Variants in NR3C1 observed in about 807,000 individuals in gnomAD.
NR3C1 encodes the protein nuclear receptor subfamily 3 group C member 1, also known as glucocorticoid receptor.
In NR3C1, 14 loss-of-function variants were observed where a neutral mutation model predicts 74.0. That is an observed-to-expected ratio of 0.19 (90% CI 0.12 to 0.30). NR3C1 has a LOEUF of 0.30. Among genes scored for constraint, NR3C1 ranks in the 10% least tolerant of loss-of-function variants. The pLI, the probability that NR3C1 is intolerant of heterozygous loss-of-function variation, is 1.00. For missense variants in NR3C1, 695 were observed against 909.8 expected, an observed-to-expected ratio of 0.76 and a Z score of 3.04; for synonymous variants, 308 against 332.5, an observed-to-expected ratio of 0.93 and a Z score of 0.80.
intron 2 of NR3C1, among the ~76,000 whole-genome samples, chr5:143,372,598 C>T (rs1834415579): frequency 6.6e-6 from 1 of 152,238 alleles, no homozygotes; most frequent in African/African-American, 2.4e-5. Flanking sequence ...AGGCGGACTA[C>T]TGCATAAATT....
At position 143,431,988 on chromosome 5, in the gene NR3C1, G is replaced by A. The variant is rs145807058; in HGVS notation, c.-14+2544C>T. 2.1e-3 allele frequency among the ~76,000 whole-genome samples: 325 copies of A among 152,342 alleles called. 4 individuals carry two copies. Among genetic ancestry groups the A allele is most frequent in the African/African-American group, 7.5e-3 (313 of 41,590 alleles). On this transcript the variant is annotated intron_variant, in intron 1 of 8. Transcript: ENST00000343796. ...TCTCCCTGAGGGGGTGGTGGTAGCT[G>A]CAAAGCTGACAGGAGCGGAGTTTCA...
intron 2 of NR3C1, chr5:143,333,197 T>G: frequency 6.4e-7 from 1 of 1,564,788 alleles, no homozygotes; most frequent in Non-Finnish European, 8.7e-7. Flanking sequence ...CACCTGGCTA[T>G]CGGGGTGAAC....
At chr5:143,402,896 G>A in intron 1 of NR3C1, 2 of 945,288 alleles carry the variant, frequency 2.1e-6, no homozygotes, top group Non-Finnish European at 1.3e-6. Flanking sequence ...GGAGAAAAGA[G>A]GCCAGGATTC....
chr5:143,357,862 T>C (rs1831446622), intron 2 of NR3C1, among the ~76,000 whole-genome samples: 1 of 152,230 alleles, frequency 6.6e-6, no homozygotes, highest in Admixed American at 6.5e-5. Flanking sequence ...CTTCATCTTC[T>C]CTTATTACTC....
At chr5:143,311,982 T>TA (rs1210495456) in intron 3 of NR3C1, among the ~76,000 whole-genome samples, 1 of 152,072 alleles carries the variant, frequency 6.6e-6, no homozygotes, top group East Asian at 1.9e-4. Flanking sequence ...ACCCTTCTGA[T>TA]AAGACAATGA....
intron 7 of NR3C1, among the ~76,000 whole-genome samples, chr5:143,289,921 A>G (rs1055624961): frequency 1.3e-5 from 2 of 152,200 alleles, no homozygotes; most frequent in Admixed American, 1.3e-4. Flanking sequence ...ATTTAAACAC[A>G]CACTCAACCT....
intron 2 of NR3C1, among the ~76,000 whole-genome samples, chr5:143,350,774 T>A (rs1013941746): frequency 3.9e-5 from 6 of 152,154 alleles, no homozygotes; most frequent in Non-Finnish European, 8.8e-5. Flanking sequence ...AAAGAAGAAC[T>A]TGCCAAGAGG....
chr5:143,292,024 G>A (rs1816055487), intron 7 of NR3C1, among the ~76,000 whole-genome samples: 1 of 151,926 alleles, frequency 6.6e-6, no homozygotes, highest in Non-Finnish European at 1.5e-5. Flanking sequence ...TAGTTTTTTT[G>A]CTGAAAGCTG....
At position 143,288,026 on chromosome 5, in the gene NR3C1, CAGTAGTATTTT is replaced by C. The variant is rs556503753; in HGVS notation, c.2024-5312_2024-5302del. On this transcript the variant is annotated intron_variant, in intron 7 of 8. Transcript: ENST00000394464. ...ACTATTTGTGGAACTATACTCTGCT[CAGTAGTATTTT>C]AGTAGTATTTTTGGAAAGAGGATTT... Among the ~76,000 whole-genome samples, 17 of 152,126 alleles carry C rather than the reference CAGTAGTATTTT, an allele frequency of 1.1e-4. No individual in the cohort carries two copies. In the East Asian group the frequency reaches 3.1e-3, roughly 28 times the overall value.
At chr5:143,309,080 T>TTC (rs1198643318) in intron 4 of NR3C1, among the ~76,000 whole-genome samples, 1 of 150,982 alleles carries the variant, frequency 6.6e-6, no homozygotes, top group East Asian at 1.9e-4. Flanking sequence ...TTTCTTTTTT[T>TTC]TTTTTTTTTT....
intron 1 of NR3C1, chr5:143,402,571 G>A: frequency 3.0e-6 from 3 of 983,940 alleles, no homozygotes; most frequent in Non-Finnish European, 3.6e-6. Context: ...AGAGAAAAAA[G>A]TGCGAGGTTA....
At chr5:143,386,096 T>C (rs908905682) in intron 2 of NR3C1, among the ~76,000 whole-genome samples, 7 of 152,186 alleles carry the variant, frequency 4.6e-5, no homozygotes, top group African/African-American at 1.4e-4. Context: ...TGTTTTCACA[T>C]GGCAGAGCAG....
intron 1 of NR3C1, among the ~76,000 whole-genome samples, chr5:143,418,469 A>T (rs936890865): frequency 6.6e-6 from 1 of 152,128 alleles, no homozygotes; most frequent in Non-Finnish European, 1.5e-5. Flanking sequence ...CAACCCACAC[A>T]GAAGTAATTA....
At chr5:143,375,036 C>A (rs1834924661) in intron 2 of NR3C1, among the ~76,000 whole-genome samples, 1 of 152,172 alleles carries the variant, frequency 6.6e-6, no homozygotes, top group South Asian at 2.1e-4. Context: ...CCTTGCCAGA[C>A]TCTAGGCAGA....
chr5:143,356,102 T>A (rs1485814830), intron 2 of NR3C1, among the ~76,000 whole-genome samples: 1 of 152,244 alleles, frequency 6.6e-6, no homozygotes, highest in Admixed American at 6.5e-5. Context: ...AATATTCCAA[T>A]CCACTTTCCA....
intron 1 of NR3C1, among the ~76,000 whole-genome samples, chr5:143,423,653 T>C (rs978085615): frequency 1.3e-5 from 2 of 152,166 alleles, no homozygotes; most frequent in Admixed American, 6.5e-5. Context: ...AAGAGATATC[T>C]GCACTCCCAT....
intron 6 of NR3C1, among the ~76,000 whole-genome samples, chr5:143,296,723 A>G (rs1208807452): frequency 6.6e-6 from 1 of 152,104 alleles, no homozygotes; most frequent in Non-Finnish European, 1.5e-5. Context: ...ATACTTTCTG[A>G]TATGCAATAT....
Position 143,305,671 on chromosome 5 carries a change from TGGGAGC to T in NR3C1, c.1468+4420_1468+4425del, listed in dbSNP as rs1819436129. On this transcript the variant is annotated intron_variant, in intron 4 of 8. Coordinates refer to ENST00000394464, the MANE Select transcript of NR3C1 (RefSeq NM_000176.3). Reference sequence around the variant, plus strand: ...CAAATACCATGTTCTCATTTATAAATGGGAGCTAAACATTGAGTACACATAGACATA... The same window carrying T: ...CAAATACCATGTTCTCATTTATAAATTAAACATTGAGTACACATAGACATA... Among the ~76,000 whole-genome samples the T allele has an allele frequency of 5.9e-5, 9 of 152,156 alleles. No individual in the cohort carries two copies. The South Asian group carries it at 1.9e-3, about 32-fold the overall frequency.
chr5:143,392,825 A>T (rs1600536700), intron 2 of NR3C1, among the ~76,000 whole-genome samples: 2 of 152,216 alleles, frequency 1.3e-5, no homozygotes, highest in African/African-American at 4.8e-5. Context: ...AACTCTTATA[A>T]AATATGTGGC....
Sources: allele counts gnomAD v4.1 joint callset (sites outside exome capture counted in the v4.1 genomes callset), GRCh38; gene constraint gnomAD v4.1.1; transcripts MANE v1.5; gene names NCBI Gene and HGNC (gene_info 2026-07-23, HGNC 2026-07-21).